The following TMEM106C variants were observed in gnomAD, a reference collection of about 807,000 sequenced individuals.
TMEM106C encodes endoplasmic reticulum membrane protein overexpressed in cancer.
A neutral mutation model predicts 30.8 loss-of-function variants in TMEM106C; 27 were observed. That is an observed-to-expected ratio of 0.88 (90% CI 0.65 to 1.21). The LOEUF is 1.21. Ranked by LOEUF, TMEM106C falls within the 50% of genes most tolerant of loss-of-function variation. TMEM106C has a pLI of 0.00. For missense variants in TMEM106C, 288 were observed against 307.8 expected, an observed-to-expected ratio of 0.94 and a Z score of 0.48; for synonymous variants, 123 against 118.8, an observed-to-expected ratio of 1.04 and a Z score of -0.23.
In TMEM106C at chr12:47,968,793, CTA is replaced by C; in HGVS notation, c.*566_*567del. The C allele has an allele frequency of 6.2e-6, 1 of 162,524 alleles. No individual in the cohort carries two copies. Among genetic ancestry groups the C allele is most frequent in the Non-Finnish European group, 1.3e-5 (1 of 75,026 alleles). The allele number at this position is 162,524 out of a possible 1,614,324, so 10.1% of individuals were successfully genotyped here. A position where few individuals can be genotyped will look rare whatever the true frequency, so the allele number is the denominator to read the frequency against. On this transcript the variant is annotated 3_prime_UTR_variant, in exon 8 of 8. Transcript: ENST00000429772. ...AGTTAGAATTGTTTTTACCAAGAGT[CTA>C]TGTGGGGCTTGATTCACCCTTCATC...
chr12:47,965,880 A>G lies in TMEM106C; in HGVS notation c.294A>G (p.Ala98=), dbSNP rs778933849. Residue 98 remains alanine, a synonymous_variant, in exon 4 of 8, where the codon GCA becomes GCG. Transcript: ENST00000429772. The part of the protein sequence containing the change: ...VLLSILLCLL[A]SGLVVFFLFP... ...TGTCCATCCTGCTTTGTCTCCTGGCATCTGGTTTGGTGGTTTTCTTCCTGT... is the reference window on the plus strand; with the variant it reads ...TGTCCATCCTGCTTTGTCTCCTGGCGTCTGGTTTGGTGGTTTTCTTCCTGT... The G allele has an allele frequency of 3.7e-6, 6 of 1,614,040 alleles. No individual in the cohort carries two copies. Among genetic ancestry groups the G allele is most frequent in the Middle Eastern group, 1.6e-4 (1 of 6,084 alleles).
rs917652773 is a variant in TMEM106C at position 47,966,051 on chromosome 12, G to A, written c.412-38G>A. 4 of 1,614,030 alleles carry A rather than the reference G, an allele frequency of 2.5e-6. No homozygotes were observed. The African/African-American group carries it at 4.0e-5, about 16-fold the overall frequency. On this transcript the variant is annotated intron_variant, in intron 4 of 7. Coordinates refer to ENST00000429772, the MANE Select transcript of TMEM106C (RefSeq NM_001143842.2). ...TGTGCACCTGCCAGGCTGGGACCCA[G>A]GACACTTACACTTGTTTCCTGACTT...
At chr12:47,964,977 A>G (rs1055655293) in intron 2 of TMEM106C, among the ~76,000 whole-genome samples, 6 of 152,184 alleles carry the variant, frequency 3.9e-5, no homozygotes, top group Non-Finnish European at 2.9e-5. Context: ...AAGCTTCCAT[A>G]TGAAAGGCAA....
intron 2 of TMEM106C, chr12:47,964,723 A>C: frequency 2.4e-6 from 1 of 412,936 alleles, no homozygotes; most frequent in East Asian, 5.3e-5. Flanking sequence ...CGCTGTCACA[A>C]GGATTGGGAC....
At position 47,965,327 on chromosome 12, in the gene TMEM106C, G is replaced by A; in HGVS notation, c.233G>A (p.Arg78Lys). Residue 78 changes from arginine to lysine, a missense_variant, in exon 3 of 8, where the codon AGA becomes AAA. Arg to Lys is a conservative substitution (Grantham distance 26, BLOSUM62 2). Coordinates refer to ENST00000429772, the MANE Select transcript of TMEM106C (RefSeq NM_001143842.2). ...GCTTTGATCCCACACAGTGATCAGA[G>A]ATTGCGCCCTCAGCGAACGTGAGTT... is the stretch of plus-strand genomic sequence containing the variant. ...LVALIPHSDQ[R>K]LRPQRTKQYV... is the part of the protein sequence containing the mutation. 5.6e-6 allele frequency: 9 copies of A among 1,614,160 alleles called. No individual in the cohort carries two copies. Among genetic ancestry groups the A allele is most frequent in the Non-Finnish European group, 7.6e-6 (9 of 1,180,012 alleles).
Position 47,964,404 on chromosome 12 carries a change from G to A in TMEM106C, c.168G>A (p.Gly56=), listed in dbSNP as rs1366467199. 6.2e-7 allele frequency: 1 copy of A among 1,613,994 alleles called. No homozygotes were observed. The highest frequency in any genetic ancestry group is 1.1e-5 in the South Asian group (1 of 91,070). Residue 56 remains glycine (G), a synonymous_variant, in exon 2 of 8, where the codon GGG becomes GGA. Transcript: ENST00000429772. ...GCATCACCTGTCTCACGTGCCAGGG[G>A]ACAGGCTACATTCCAACAGGTGATC... The part of the protein sequence containing the change: ...RDSITCLTCQ[G]TGYIPTEQVN...
chr12:47,964,724 G>C (rs1938162586), intron 2 of TMEM106C: 2 of 405,614 alleles, frequency 4.9e-6, no homozygotes, highest in South Asian at 4.9e-5. Flanking sequence ...GCTGTCACAA[G>C]GATTGGGACA....
chr12:47,967,322 C>A, intron 7 of TMEM106C, 61 bp downstream of exon 7: 3 of 1,580,074 alleles, frequency 1.9e-6, no homozygotes, highest in Non-Finnish European at 1.7e-6. Context: ...CACCTTTGCT[C>A]AGGAGGCCCC....
chr12:47,966,790 A>G, intron 6 of TMEM106C, 58 bp downstream of exon 6: 1 of 1,589,854 alleles, frequency 6.3e-7, no homozygotes, highest in Non-Finnish European at 8.6e-7. Context: ...ATTCAAAGTC[A>G]TACTCCATTG....
At position 47,966,079 on chromosome 12, in the gene TMEM106C, C is replaced by T. The variant is rs1457307224; in HGVS notation, c.412-10C>T. On this transcript the variant is annotated splice_polypyrimidine_tract_variant and intron_variant, in intron 4 of 7. Transcript: ENST00000429772. ...CACTTACACTTGTTTCCTGACTTGC[C>T]CTGATGTAGGCCACCCTGAAAATCA... 1.2e-6 allele frequency: 2 copies of T among 1,614,066 alleles called. No homozygotes were observed. Among genetic ancestry groups the T allele is most frequent in the Non-Finnish European group, 1.7e-6 (2 of 1,180,040 alleles).
rs767196675 is a variant in TMEM106C at position 47,968,224 on chromosome 12, A to G, written c.748A>G (p.Ile250Val). 2 of 1,610,964 alleles carry G rather than the reference A, an allele frequency of 1.2e-6. No individual in the cohort carries two copies. The highest frequency in any genetic ancestry group is 2.2e-5 in the East Asian group (1 of 44,874). Residue 250 changes from isoleucine to valine, a missense_variant, in exon 8 of 8, where the codon ATT (isoleucine) becomes GTT (valine). Ile to Val is a conservative substitution (Grantham distance 29, BLOSUM62 3). Transcript: ENST00000429772. ...YVDCGGNSTA[I>V] Reference sequence around the variant, plus strand: ...GGATTGTGGAGGAAATTCCACAGCTATTTAACAACTGCTATTGGTTCTTCC... The same window carrying G: ...GGATTGTGGAGGAAATTCCACAGCTGTTTAACAACTGCTATTGGTTCTTCC...
rs371979597 is a variant in TMEM106C at position 47,966,733 on chromosome 12, G to A, written c.602+1G>A. ...TGGGAGGACCGTTTTCCTATGTGTA[G>A]TAAGGACACTGTTCTCTCTGTGTGT... On this transcript the variant is annotated splice_donor_variant, in intron 6 of 7. Transcript: ENST00000429772. LOFTEE classifies it high-confidence loss of function. The A allele has an allele frequency of 1.5e-5, 25 of 1,613,990 alleles. No individual in the cohort carries two copies. Among genetic ancestry groups the A allele is most frequent in the Non-Finnish European group, 2.0e-5 (24 of 1,179,982 alleles).
chr12:47,968,023 G>C (rs1938298814), intron 7 of TMEM106C, 110 bp from the exon 8 acceptor site: 3 of 714,382 alleles, frequency 4.2e-6, no homozygotes, highest in Non-Finnish European at 7.4e-6. Flanking sequence ...ATATGTGCCT[G>C]GGGCCCGTGG....
Position 47,964,400 on chromosome 12 carries a change from A to AG in TMEM106C, c.168dup (p.Thr57AspfsTer11). On this transcript the variant is annotated frameshift_variant, in exon 2 of 8. Transcript: ENST00000429772. LOFTEE classifies it high-confidence loss of function. ...GATAGCATCACCTGTCTCACGTGCC[A>AG]GGGGACAGGCTACATTCCAACAGGT... The AG allele has an allele frequency of 6.2e-7, 1 of 1,614,144 alleles. No homozygotes were observed. Among genetic ancestry groups the AG allele is most frequent in the Non-Finnish European group, 8.5e-7 (1 of 1,180,006 alleles).
In TMEM106C at chr12:47,968,655, C is replaced by T. The variant is rs758876836; in HGVS notation, c.*426C>T. On this transcript the variant is annotated 3_prime_UTR_variant, in exon 8 of 8. Transcript: ENST00000429772. Reference sequence around the variant, plus strand: ...GCAGCAGAGAGGGACCATCCAAATACCTAAGAGAAAACAGACCTAGTCAGG... The same window carrying T: ...GCAGCAGAGAGGGACCATCCAAATATCTAAGAGAAAACAGACCTAGTCAGG... The T allele has an allele frequency of 1.3e-5, 3 of 235,088 alleles. No individual in the cohort carries two copies. 14.6% of individuals were successfully genotyped at this position (235,088 alleles called of 1,614,324 possible). A position where few individuals can be genotyped will look rare whatever the true frequency, so the allele number is the denominator to read the frequency against.
intron 2 of TMEM106C, chr12:47,964,915 G>T (rs778434717): frequency 1.8e-5 from 5 of 272,456 alleles, no homozygotes; most frequent in Non-Finnish European, 3.5e-5. Flanking sequence ...AGTTTAGCTG[G>T]AGAGTCACAG....
chr12:47,964,265 G>A lies in TMEM106C; in HGVS notation c.29G>A (p.Arg10His), dbSNP rs758147626. The change falls in exon 2 of 8, where the codon CGC becomes CAC. Residue 10 changes from arginine (R) to histidine (H), a missense_variant. Arg to His is a conservative substitution (Grantham distance 29, BLOSUM62 0). Transcript: ENST00000429772. MGSQHSAAA[R>H]PSSCRRKQED... ...GGGTCTCAGCATTCCGCTGCTGCTC[G>A]CCCCTCCTCCTGCAGGCGAAAGCAA... The A allele has an allele frequency of 2.5e-6, 4 of 1,613,588 alleles. No individual in the cohort carries two copies. Among genetic ancestry groups the A allele is most frequent in the East Asian group, 2.2e-5 (1 of 44,888 alleles).
chr12:47,964,575 C>A, intron 2 of TMEM106C, 152 bp downstream of exon 2: 1 of 659,936 alleles, frequency 1.5e-6, no homozygotes, highest in African/African-American at 1.8e-5. Context: ...TACACTTGGG[C>A]AGTTCTGCAA....
Position 47,963,939 on chromosome 12 carries a change from C to G in TMEM106C, c.-29+235C>G. The G allele has an allele frequency of 1.5e-5, 7 of 465,820 alleles. No homozygotes were observed. In the South Asian group the frequency reaches 1.5e-4, roughly 10 times the overall value. 28.9% of individuals were successfully genotyped at this position (465,820 alleles called of 1,614,324 possible). On this transcript the variant is annotated intron_variant, in intron 1 of 7. Transcript: ENST00000429772. Reference sequence around the variant, plus strand: ...TGGACCAGGTGGGAGCGGGGGTGCCCCAAGTCCCAGGGCGGTGAGGATCGA... The same window carrying G: ...TGGACCAGGTGGGAGCGGGGGTGCCGCAAGTCCCAGGGCGGTGAGGATCGA...
Sources: allele counts gnomAD v4.1 joint callset (sites outside exome capture counted in the v4.1 genomes callset), GRCh38; gene constraint gnomAD v4.1.1; transcripts MANE v1.5; gene names NCBI Gene and HGNC (gene_info 2026-07-23, HGNC 2026-07-21).